XPNPEP3: variants seen among roughly 807,000 people sequenced by gnomAD.
XPNPEP3 encodes the protein X-prolyl aminopeptidase 3.
Under a neutral mutation model 60.0 loss-of-function variants are expected in XPNPEP3, and 41 were observed. The ratio of observed to expected loss-of-function variants is 0.68; its 90% CI spans 0.53 to 0.89. XPNPEP3 has a LOEUF of 0.89. XPNPEP3 is among the 40% of genes least tolerant of loss of function. The pLI is 0.00. For synonymous variants in XPNPEP3, 212 were observed against 223.2 expected (o/e 0.95, Z 0.45); for missense variants, 598 against 638.9 (o/e 0.94, Z 0.69).
intron 9 of XPNPEP3, 112 bp downstream of exon 9, chr22:40,924,594 A>G: frequency 2.2e-5 from 32 of 1,442,304 alleles, no homozygotes; most frequent in African/African-American, 5.6e-5. Context: ...TGTGATCTTC[A>G]CTCACTGCAA....
intron 7 of XPNPEP3, among the ~76,000 whole-genome samples, chr22:40,915,087 T>C (rs1213528683): frequency 7.0e-6 from 1 of 142,290 alleles, no homozygotes; most frequent in African/African-American, 2.6e-5. Flanking sequence ...AGTCTCGCTC[T>C]GGCACCCAGG....
At chr22:40,864,226 C>T (rs772252929) in intron 1 of XPNPEP3, among the ~76,000 whole-genome samples, 1 of 152,200 alleles carries the variant, frequency 6.6e-6, no homozygotes, top group Non-Finnish European at 1.5e-5. Flanking sequence ...AACTTCCTGA[C>T]GTTGCCATGG....
At chr22:40,864,995 G>C (rs1013957301) in intron 1 of XPNPEP3, among the ~76,000 whole-genome samples, 2 of 152,162 alleles carry the variant, frequency 1.3e-5, no homozygotes, top group African/African-American at 4.8e-5. Context: ...AATTCATATA[G>C]TTTGAAAAAA....
At chr22:40,904,575 GACA>G (rs1293167340) in intron 4 of XPNPEP3, among the ~76,000 whole-genome samples, 1 of 151,996 alleles carries the variant, frequency 6.6e-6, no homozygotes. Context: ...TTTAAGCCAT[GACA>G]ACAATTATCT....
chr22:40,859,809 T>C (rs2057930717), intron 1 of XPNPEP3: 1 of 152,216 alleles, frequency 6.6e-6, no homozygotes, highest in Non-Finnish European at 1.5e-5. Flanking sequence ...CTCAAACCAT[T>C]TGCTCGATAT....
In XPNPEP3 at chr22:40,861,853, C is replaced by T. The variant is rs777774820; in HGVS notation, c.64+4608C>T. ...AATACCTCGTATGCCTCAGCTACTT[C>T]TTTGAATTTTCTCTCTGCTTCTTCT... On this transcript the variant is annotated intron_variant, in intron 1 of 9. Transcript: ENST00000357137. 1.7e-5 allele frequency: 27 copies of T among 1,613,834 alleles called. No individual in the cohort carries two copies. The East Asian group carries it at 5.6e-4, about 33-fold the overall frequency.
chr22:40,888,702 C>G (rs1421261578), intron 4 of XPNPEP3, among the ~76,000 whole-genome samples: 1 of 148,324 alleles, frequency 6.7e-6, no homozygotes, highest in African/African-American at 2.5e-5. Context: ...ATCTTGTGTT[C>G]AAGTCTCTTT....
rs2058227446 is a variant in XPNPEP3, at chr22:40,924,404, G to A, written c.1279G>A (p.Gly427Arg). 6 of 1,614,056 alleles carry A rather than the reference G, an allele frequency of 3.7e-6. No homozygotes were observed. The highest frequency in any genetic ancestry group is 5.1e-6 in the Non-Finnish European group (6 of 1,180,010). The stretch of plus-strand genomic sequence containing the variant: ...TCCTCATCATGTTGGCCACTACCTC[G>A]GGATGGATGTCCATGACACTCCAGA... ...YCPHHVGHYL[G>R]MDVHDTPDMP... Residue 427 changes from glycine (G) to arginine (R), a missense_variant, in exon 9 of 10, where the codon GGG (glycine) becomes AGG (arginine). Transcript: ENST00000357137.
intron 8 of XPNPEP3, among the ~76,000 whole-genome samples, chr22:40,923,959 G>A (rs2058225636): frequency 6.6e-6 from 1 of 152,156 alleles, no homozygotes. Flanking sequence ...TGAGAGGGAT[G>A]TGTGAACGAA....
At chr22:40,902,979 C>T (rs2058140544) in intron 4 of XPNPEP3, among the ~76,000 whole-genome samples, 1 of 152,162 alleles carries the variant, frequency 6.6e-6, no homozygotes, top group African/African-American at 2.4e-5. Flanking sequence ...TGGAATCTCA[C>T]TTAGGATTTT....
At chr22:40,893,951 G>T (rs905596442) in intron 4 of XPNPEP3, among the ~76,000 whole-genome samples, 1 of 152,302 alleles carries the variant, frequency 6.6e-6, no homozygotes, top group Non-Finnish European at 1.5e-5. Flanking sequence ...GAGGACATAT[G>T]TCACTCCTGG....
rs117709955 is a variant in XPNPEP3, at chr22:40,884,414, C to T, written c.590-1899C>T. ...GCACCATCTCGGCTCACTGCAACTC[C>T]TGCCTCCCAGGTTCAAGTAATTCTC... On this transcript the variant is annotated intron_variant, in intron 3 of 9. Transcript: ENST00000357137. 1.1e-3 allele frequency among the ~76,000 whole-genome samples: 162 copies of T among 151,914 alleles called. 1 individual carries two copies. The East Asian group carries it at 0.027, about 25-fold the overall frequency.
rs1253331949 is a variant in XPNPEP3 at position 40,926,831 on chromosome 22, TAAG to T, written c.*400_*402del. On this transcript the variant is annotated 3_prime_UTR_variant, in exon 10 of 10. Transcript: ENST00000357137. ...TTTTGCTGAGATCAACCCAATATCA[TAAG>T]AAGTTTGTGTGATGCCTGTATTTTT... The T allele has an allele frequency of 7.2e-6, 2 of 278,654 alleles. No individual in the cohort carries two copies. The highest frequency in any genetic ancestry group is 1.4e-5 in the Non-Finnish European group (2 of 142,552). The allele number at this position is 278,654 out of a possible 1,614,324, so 17.3% of individuals were successfully genotyped here.
Position 40,882,325 on chromosome 22 carries a change from A to G in XPNPEP3, c.589+148A>G, listed in dbSNP as rs1248955344. The G allele has an allele frequency of 4.2e-6, 4 of 946,070 alleles. No individual in the cohort carries two copies. The African/African-American group carries it at 6.7e-5, about 16-fold the overall frequency. 58.6% of individuals were successfully genotyped at this position (946,070 alleles called of 1,614,324 possible). On this transcript the variant is annotated intron_variant, in intron 3 of 9. Transcript: ENST00000357137. ...GAAAGAAATGTAAAGTCTTTTTCAG[A>G]AGATTGAGCTTCTTTAAAGATTTCA...
chr22:40,871,567 A>G (rs2058005956), intron 2 of XPNPEP3, among the ~76,000 whole-genome samples: 1 of 152,164 alleles, frequency 6.6e-6, no homozygotes, highest in Non-Finnish European at 1.5e-5. Flanking sequence ...AGGTAAGCAT[A>G]GATTTTTTTT....
intron 8 of XPNPEP3, among the ~76,000 whole-genome samples, chr22:40,923,440 T>C (rs2058223921): frequency 6.6e-6 from 1 of 152,108 alleles, no homozygotes; most frequent in African/African-American, 2.4e-5. Context: ...CTAAGTCAGA[T>C]AGACCATTAG....
intron 4 of XPNPEP3, among the ~76,000 whole-genome samples, chr22:40,888,170 G>A (rs2058076314): frequency 6.6e-6 from 1 of 152,002 alleles, no homozygotes; most frequent in Non-Finnish European, 1.5e-5. Flanking sequence ...CATATAAATG[G>A]AATCATACAA....
Position 40,913,426 on chromosome 22 carries a change from A to C in XPNPEP3, c.970-813A>C, listed in dbSNP as rs35545306. 6.1e-3 allele frequency among the ~76,000 whole-genome samples: 918 copies of C among 150,530 alleles called. 4 individuals carry two copies. The highest frequency in any genetic ancestry group is 0.01 in the Non-Finnish European group (697 of 67,568). On this transcript the variant is annotated intron_variant, in intron 6 of 9. Coordinates refer to ENST00000357137, the MANE Select transcript of XPNPEP3 (RefSeq NM_022098.4). ...GCACTCCAGCCTGGGCAACAGAGCA[A>C]GACTCTGTCTCAAAAAAAAAAAAAA...
chr22:40,875,090 A>G (rs1412611853), intron 2 of XPNPEP3, among the ~76,000 whole-genome samples: 3 of 152,232 alleles, frequency 2.0e-5, no homozygotes, highest in Non-Finnish European at 2.9e-5. Flanking sequence ...CTTTTTCTAT[A>G]AGTACTTCAC....
Sources: allele counts gnomAD v4.1 joint callset (sites outside exome capture counted in the v4.1 genomes callset), GRCh38; gene constraint gnomAD v4.1.1; transcripts MANE v1.5; gene names NCBI Gene and HGNC (gene_info 2026-07-23, HGNC 2026-07-21).